The following WDR44 variants were observed in gnomAD, a reference collection of about 807,000 sequenced individuals.
WDR44 encodes WD repeat-containing protein 44.
Under a neutral mutation model 65.7 loss-of-function variants are expected in WDR44, and 9 were observed. The ratio of observed to expected loss-of-function variants is 0.14; its 90% CI spans 0.08 to 0.24. WDR44 has a LOEUF of 0.24. Ranked by LOEUF, WDR44 falls within the 10% of genes least tolerant of loss-of-function variation. The probability of loss-of-function intolerance (pLI) is 1.00; values close to 1 mark genes in which losing one functional copy is unlikely to be tolerated. For missense variants in WDR44, 425 were observed against 670.9 expected, an observed-to-expected ratio of 0.63 and a Z score of 4.05; for synonymous variants, 220 against 235.2, an observed-to-expected ratio of 0.94 and a Z score of 0.59.
At chrX:118,347,018 T>G (rs1175890169) in intron 1 of WDR44, among the ~76,000 whole-genome samples, 3 of 111,982 alleles carry the variant, frequency 2.7e-5, no homozygotes, top group Non-Finnish European at 5.6e-5. Context: ...ACCGCTAACT[T>G]ACCTATTCAC....
At chrX:118,425,581 G>C (rs1422668988) in intron 12 of WDR44, among the ~76,000 whole-genome samples, 1 of 110,443 alleles carries the variant, frequency 9.1e-6, no homozygotes, top group Non-Finnish European at 1.9e-5. Context: ...CTGGGAGGTG[G>C]AGGTTGCAGT....
intron 13 of WDR44, among the ~76,000 whole-genome samples, chrX:118,436,283 AGAGATCTATGT>A (rs2057253966): frequency 8.9e-6 from 1 of 112,366 alleles, no homozygotes; most frequent in Non-Finnish European, 1.9e-5. Context: ...AATGACAATT[AGAGATCTATGT>A]GAGTTAAAAT....
At chrX:118,414,256 GC>G (rs2057035763) in intron 12 of WDR44, among the ~76,000 whole-genome samples, 1 of 54,211 alleles carries the variant, frequency 1.8e-5, no homozygotes, top group African/African-American at 9.5e-5. Flanking sequence ...ACTTGCGATT[GC>G]TTTTTTTTTT....
intron 14 of WDR44, among the ~76,000 whole-genome samples, chrX:118,439,684 C>T (rs1165248200): frequency 1.8e-5 from 2 of 111,258 alleles, no homozygotes; most frequent in South Asian, 3.8e-4. Context: ...ACCTCTTCTA[C>T]TGGTACACAT....
intron 12 of WDR44, among the ~76,000 whole-genome samples, chrX:118,420,714 T>C (rs1305048495): frequency 2.7e-5 from 3 of 112,542 alleles, no homozygotes; most frequent in African/African-American, 9.7e-5. Flanking sequence ...ACTTTCACTT[T>C]CATGTCTCTG....
At chrX:118,434,092 A>G (rs758681485) in intron 13 of WDR44, among the ~76,000 whole-genome samples, 1 of 112,480 alleles carries the variant, frequency 8.9e-6, no homozygotes, top group African/African-American at 3.2e-5. Flanking sequence ...AGGAAACAGG[A>G]TGACAAAAAT....
intron 14 of WDR44, among the ~76,000 whole-genome samples, chrX:118,439,977 C>A (rs7051287): frequency 0.43 from 45,992 of 105,970 alleles, 10,776 homozygotes; most frequent in African/African-American, 0.86. Flanking sequence ...AAAATTAGCC[C>A]GGTATGGTGG....
rs10570740 is a variant in WDR44 at position 118,447,875 on chromosome X, A to AATATATATATATAT, written c.2648-992_2648-979dup. 1.4e-3 allele frequency among the ~76,000 whole-genome samples: 78 copies of AATATATATATATAT among 54,767 alleles called. 1 individual carries two copies. Among genetic ancestry groups the AATATATATATATAT allele is most frequent in the African/African-American group, 3.8e-3 (58 of 15,270 alleles). 47.6% of individuals were successfully genotyped at this position (54,767 alleles called of 115,157 possible). ...TGCAACAGAGTGAGACTCTATCTAA[A>AATATATATATATAT]ATATATATATATATATATATATATA... On this transcript the variant is annotated intron_variant, in intron 19 of 19. Coordinates refer to ENST00000254029, the MANE Select transcript of WDR44 (RefSeq NM_019045.5).
chrX:118,348,060 G>A (rs907973586), intron 1 of WDR44, among the ~76,000 whole-genome samples: 38 of 111,296 alleles, frequency 3.4e-4, no homozygotes, highest in African/African-American at 1.2e-3. Context: ...TGTGTATTGG[G>A]GTGGGGGAGG....
At chrX:118,394,235 A>C in intron 5 of WDR44, 50 bp downstream of exon 5, 2 of 1,194,582 alleles carry the variant, frequency 1.7e-6, no homozygotes, top group South Asian at 3.6e-5. Flanking sequence ...GCTCCCTGCA[A>C]CTGGCTGGTT....
intron 14 of WDR44, among the ~76,000 whole-genome samples, chrX:118,437,079 C>A (rs925542226): frequency 9.0e-6 from 1 of 110,834 alleles, no homozygotes; most frequent in Non-Finnish European, 1.9e-5. Flanking sequence ...AATAAAGTAT[C>A]CTATTAAAGA....
chrX:118,424,174 A>C (rs1022030550), intron 12 of WDR44, among the ~76,000 whole-genome samples: 158 of 106,711 alleles, frequency 1.5e-3, no homozygotes, highest in African/African-American at 5.3e-3. Flanking sequence ...AGGAACTTTC[A>C]TACTGGTTTT....
chrX:118,392,786 A>G lies in WDR44; in HGVS notation c.341A>G (p.Asp114Gly), dbSNP rs1400807730. The G allele has an allele frequency of 8.3e-7, 1 of 1,211,984 alleles. No homozygotes were observed. The highest frequency in any genetic ancestry group is 3.0e-5 in the East Asian group (1 of 33,860). The change falls in exon 4 of 20, where the codon GAT (aspartate) becomes GGT (glycine). Residue 114 changes from aspartate (D) to glycine (G), a missense_variant. Physicochemically the swap from Asp to Gly is moderately conservative, Grantham distance 94. Around this residue, in one of 5 missense-constraint regions of WDR44, gnomAD observed 193 missense variants for 209.0 expected, o/e 0.92. Transcript: ENST00000254029. ...LSNIPGLLAIDQVLPEESQKA... is the reference protein window; with the variant it reads ...LSNIPGLLAIGQVLPEESQKA... ...AATATACCCGGACTGTTAGCCATAG[A>G]TCAAGTACTACCGGAAGAATCCCAA...
intron 1 of WDR44, among the ~76,000 whole-genome samples, chrX:118,359,932 C>T (rs774318042): frequency 8.9e-6 from 1 of 111,926 alleles, no homozygotes; most frequent in African/African-American, 3.2e-5. Flanking sequence ...CAAGGAAATT[C>T]GAGTGATTTC....
intron 12 of WDR44, among the ~76,000 whole-genome samples, chrX:118,421,689 A>G (rs1429873761): frequency 2.7e-5 from 3 of 111,984 alleles, no homozygotes; most frequent in Non-Finnish European, 5.6e-5. Context: ...ATACAGAGTG[A>G]TGTACCCAAG....
At chrX:118,432,204 CTT>C (rs1179163776) in intron 12 of WDR44, among the ~76,000 whole-genome samples, 1 of 111,570 alleles carries the variant, frequency 9.0e-6, no homozygotes, top group Non-Finnish European at 1.9e-5. Flanking sequence ...GCTTTGTACT[CTT>C]TGTTTTGTTC....
chrX:118,380,400 A>G (rs1219667431), intron 2 of WDR44, among the ~76,000 whole-genome samples: 2 of 111,328 alleles, frequency 1.8e-5, no homozygotes, highest in East Asian at 5.6e-4. Flanking sequence ...CACCTTCCCC[A>G]TATCATCCCT....
intron 12 of WDR44, among the ~76,000 whole-genome samples, chrX:118,427,939 T>G (rs190378256): frequency 0.012 from 1,323 of 109,814 alleles, 13 homozygotes; most frequent in African/African-American, 0.04. Flanking sequence ...CCTCCCAAAG[T>G]GCTGAGATTA....
chrX:118,443,770 C>T (rs1249419070), intron 18 of WDR44, 83 bp downstream of exon 18: 11 of 991,487 alleles, frequency 1.1e-5, no homozygotes, highest in Non-Finnish European at 1.3e-5. Flanking sequence ...CATGACCGGA[C>T]ACAGTGGCTC....
Sources: gnomAD v4.1 joint callset for allele counts (sites outside exome capture counted in the v4.1 genomes callset) on GRCh38, gnomAD v4.1.1 for gene constraint, gnomAD v4.1.1 regional missense constraint, MANE v1.5 for transcripts, NCBI Gene and HGNC (gene_info 2026-07-23, HGNC 2026-07-21) for gene names.